Variants in BTBD8 observed in about 807,000 individuals in gnomAD.
The protein encoded by BTBD8 is BTB/POZ domain-containing protein 8.
A neutral mutation model predicts 162.9 loss-of-function variants in BTBD8; 110 were observed. The observed-to-expected ratio is 0.68, with a 90% CI of 0.58 to 0.79. BTBD8 has a LOEUF of 0.79. Ranked by LOEUF, BTBD8 falls within the 30% of genes least tolerant of loss-of-function variation. The pLI is 0.00. For synonymous variants in BTBD8, 667 were observed against 716.1 expected, an observed-to-expected ratio of 0.93 and a Z score of 1.10; for missense variants, 1,905 against 2,085.4, an observed-to-expected ratio of 0.91 and a Z score of 1.68.
At chr1:92,164,890 G>A (rs1190237261) in intron 9 of BTBD8, among the ~76,000 whole-genome samples, 2 of 151,754 alleles carry the variant, frequency 1.3e-5, no homozygotes, top group African/African-American at 4.8e-5. Flanking sequence ...CTGACCTTGT[G>A]ATCTGCCCAC....
chr1:92,182,126 A>G lies in BTBD8; in HGVS notation c.4443A>G (p.Gly1481=). 6.4e-7 allele frequency: 1 copy of G among 1,551,496 alleles called. No homozygotes were observed. Among genetic ancestry groups the G allele is most frequent in the African/African-American group, 1.4e-5 (1 of 73,166 alleles). The change falls in exon 17 of 18, where the codon GGA becomes GGG. Residue 1481 remains glycine, a synonymous_variant. Transcript: ENST00000636805. ...ATGGCATTTCTCATGAACATCATGG[A>G]AGGACCTGCTATTCCAGATTCTCAC... The part of the protein sequence containing the change: ...VFDGISHEHH[G]RTCYSRFSRE...
At chr1:92,167,675 A>G (rs948406810) in intron 10 of BTBD8, among the ~76,000 whole-genome samples, 173 bp from the exon 11 acceptor site, 11 of 152,236 alleles carry the variant, frequency 7.2e-5, no homozygotes, top group Non-Finnish European at 1.6e-4. Context: ...ATAAATAAAT[A>G]AAAATAAAAG....
intron 4 of BTBD8, among the ~76,000 whole-genome samples, chr1:92,127,338 G>A (rs1649387448): frequency 6.6e-6 from 1 of 152,138 alleles, no homozygotes; most frequent in African/African-American, 2.4e-5. Context: ...AGAGCTTTTG[G>A]TTAATGTACC....
intron 1 of BTBD8, 92 bp downstream of exon 1, chr1:92,080,812 C>T (rs1002897728): frequency 1.8e-5 from 28 of 1,517,050 alleles, no homozygotes; most frequent in African/African-American, 4.2e-5. Flanking sequence ...GCCTCCCCCT[C>T]CCTCAGCACT....
At chr1:92,086,811 A>G (rs957335984) in intron 1 of BTBD8, among the ~76,000 whole-genome samples, 1 of 152,144 alleles carries the variant, frequency 6.6e-6, no homozygotes, top group Non-Finnish European at 1.5e-5. Context: ...TGACTTAGCA[A>G]GAAGGCCCTT....
At chr1:92,119,615 C>T (rs1365802607) in intron 4 of BTBD8, among the ~76,000 whole-genome samples, 3 of 148,618 alleles carry the variant, frequency 2.0e-5, no homozygotes, top group African/African-American at 7.4e-5. Flanking sequence ...TCTATAAGCT[C>T]TTTTCTTTTC....
chr1:92,093,187 A>ATTT lies in BTBD8; in HGVS notation c.347+4311_347+4313dup, dbSNP rs5776134. 1.1e-3 allele frequency among the ~76,000 whole-genome samples: 136 copies of ATTT among 119,822 alleles called. 3 individuals carry two copies. Among genetic ancestry groups the ATTT allele is most frequent in the African/African-American group, 1.9e-3 (59 of 31,058 alleles). 78.6% of individuals were successfully genotyped at this position (119,822 alleles called of 152,430 possible). A position where few individuals can be genotyped will look rare whatever the true frequency, so the allele number is the denominator to read the frequency against. The stretch of plus-strand genomic sequence containing the variant: ...GCTCATCATTGAGTTTGAAATACCA[A>ATTT]TTTTTTTTTTTTTTTTTTTTTGAGA... On this transcript the variant is annotated intron_variant, in intron 2 of 17. Transcript: ENST00000636805.
chr1:92,162,903 T>A (rs1650300553), intron 9 of BTBD8, among the ~76,000 whole-genome samples: 1 of 152,218 alleles, frequency 6.6e-6, no homozygotes, highest in South Asian at 2.1e-4. Flanking sequence ...CATTACGACA[T>A]CATAGCAAAA....
intron 5 of BTBD8, among the ~76,000 whole-genome samples, chr1:92,130,571 TAC>T (rs1404951983): frequency 4.8e-5 from 7 of 144,948 alleles, no homozygotes; most frequent in Admixed American, 6.9e-5. Flanking sequence ...CACACACATA[TAC>T]GCACACACAC....
intron 15 of BTBD8, among the ~76,000 whole-genome samples, 193 bp from the exon 16 acceptor site, chr1:92,178,119 G>A (rs1650775734): frequency 6.6e-6 from 1 of 152,096 alleles, no homozygotes; most frequent in Non-Finnish European, 1.5e-5. Flanking sequence ...TATGGCATAT[G>A]ATTATACCTT....
chr1:92,156,786 C>T (rs777259728), intron 9 of BTBD8, among the ~76,000 whole-genome samples: 4 of 151,648 alleles, frequency 2.6e-5, no homozygotes, highest in Admixed American at 6.6e-5. Flanking sequence ...TGTAATGCCT[C>T]CTCTTTCATT....
chr1:92,088,014 G>A (rs1648206393), intron 1 of BTBD8, among the ~76,000 whole-genome samples: 1 of 152,144 alleles, frequency 6.6e-6, no homozygotes, highest in South Asian at 2.1e-4. Context: ...CATGTAATCA[G>A]TGGGCTTTAC....
intron 13 of BTBD8, among the ~76,000 whole-genome samples, chr1:92,175,794 CAAAAAAGAAAG>C (rs370510671): frequency 0.036 from 5,412 of 149,878 alleles, 106 homozygotes; most frequent in African/African-American, 0.039. Flanking sequence ...GACTCTGTCT[CAAAAAAGAAAG>C]AAAAAAGAAA....
At chr1:92,096,740 G>A (rs190306190) in intron 2 of BTBD8, among the ~76,000 whole-genome samples, 423 of 152,068 alleles carry the variant, frequency 2.8e-3, no homozygotes, top group African/African-American at 9.5e-3. Flanking sequence ...GTCTTGCTGT[G>A]TTGCCCAGAC....
rs1650519453 is a variant in BTBD8 at position 92,170,877 on chromosome 1, T to G, written c.1574-522T>G. Among the ~76,000 whole-genome samples, 3 of 151,990 alleles carry G rather than the reference T, an allele frequency of 2.0e-5. No individual in the cohort carries two copies. In the South Asian group the frequency reaches 6.2e-4, roughly 31 times the overall value. On this transcript the variant is annotated intron_variant, in intron 12 of 17. Coordinates refer to ENST00000636805, the MANE Select transcript of BTBD8 (RefSeq NM_001376131.1). The stretch of plus-strand genomic sequence containing the variant: ...ATAAAAAGAATATTTTGAAGATTCT[T>G]ATTTTATTTTCAGTAGAACCTTATT...
intron 17 of BTBD8, among the ~76,000 whole-genome samples, chr1:92,183,357 A>C (rs1650974296): frequency 6.6e-6 from 1 of 152,166 alleles, no homozygotes. Context: ...GTTCAGCAAA[A>C]TCGGAAGAAT....
chr1:92,092,398 A>G (rs1431250807), intron 2 of BTBD8, among the ~76,000 whole-genome samples: 1 of 150,930 alleles, frequency 6.6e-6, no homozygotes, highest in African/African-American at 2.4e-5. Context: ...TATCTCCAAA[A>G]AAAAAAAAAA....
chr1:92,132,335 C>A, intron 5 of BTBD8, among the ~76,000 whole-genome samples: 1 of 150,366 alleles, frequency 6.7e-6, no homozygotes, highest in East Asian at 1.9e-4. Context: ...TTTCAGTCTT[C>A]CTTAATCACC....
chr1:92,095,688 T>C lies in BTBD8; in HGVS notation c.348-6785T>C, dbSNP rs1244992514. 2.0e-5 allele frequency among the ~76,000 whole-genome samples: 3 copies of C among 152,206 alleles called. No individual in the cohort carries two copies. The East Asian group carries it at 5.8e-4, about 29-fold the overall frequency. On this transcript the variant is annotated intron_variant, in intron 2 of 17. Coordinates refer to ENST00000636805, the MANE Select transcript of BTBD8 (RefSeq NM_001376131.1). ...ACTATTGTCAATTTTCCTAAGTATATGTGTTAGTAATTGCAATTGCTATGT... is the reference window on the plus strand; with the variant it reads ...ACTATTGTCAATTTTCCTAAGTATACGTGTTAGTAATTGCAATTGCTATGT...
Sources: gnomAD v4.1 joint callset for allele counts (sites outside exome capture counted in the v4.1 genomes callset) on GRCh38, gnomAD v4.1.1 for gene constraint, MANE v1.5 for transcripts, NCBI Gene and HGNC (gene_info 2026-07-23, HGNC 2026-07-21) for gene names.